The following TBC1D19 variants were observed in gnomAD, a reference collection of about 807,000 sequenced individuals.
TBC1D19 encodes TBC1 domain family, member 19.
In TBC1D19, 60 loss-of-function variants were observed where a neutral mutation model predicts 89.0. That is an observed-to-expected ratio of 0.67 (90% CI 0.55 to 0.84). TBC1D19 has a LOEUF of 0.84. TBC1D19 is among the 40% of genes least tolerant of loss of function. The pLI is 0.00. For missense variants in TBC1D19, 500 were observed against 610.8 expected (o/e 0.82, Z 1.91); for synonymous variants, 189 against 199.7 (o/e 0.95, Z 0.45).
the TBC1D19 span, among the ~76,000 whole-genome samples, chr4:26,767,605 A>C: frequency 6.6e-6 from 1 of 152,190 alleles, no homozygotes; most frequent in Non-Finnish European, 1.5e-5. Flanking sequence ...AGATGGTGGC[A>C]CTATAAGGCA....
At chr4:26,704,708 T>C (rs1715597472) in intron 13 of TBC1D19, among the ~76,000 whole-genome samples, 1 of 152,088 alleles carries the variant, frequency 6.6e-6, no homozygotes, top group Non-Finnish European at 1.5e-5. Flanking sequence ...AATAGAAATA[T>C]ATATAAATTC....
intron 5 of TBC1D19, 44 bp downstream of exon 5, chr4:26,637,329 A>G (rs1743196704): frequency 1.4e-6 from 2 of 1,394,348 alleles, no homozygotes; most frequent in Non-Finnish European, 2.0e-6. Flanking sequence ...ATTGTGAATC[A>G]AATACAGAAA....
intron 13 of TBC1D19, among the ~76,000 whole-genome samples, chr4:26,694,765 T>A (rs1276598617): frequency 7.9e-5 from 12 of 152,212 alleles, no homozygotes. Context: ...CCTCCGCTGC[T>A]GATACCCAGG....
At chr4:26,699,630 T>C (rs1308050946) in intron 13 of TBC1D19, among the ~76,000 whole-genome samples, 1 of 152,048 alleles carries the variant, frequency 6.6e-6, no homozygotes, top group African/African-American at 2.4e-5. Flanking sequence ...CCAACAATTG[T>C]AGACTGGATT....
chr4:26,787,736 T>G, the TBC1D19 span, among the ~76,000 whole-genome samples: 8 of 152,160 alleles, frequency 5.3e-5, no homozygotes, highest in Non-Finnish European at 1.0e-4. Context: ...CAGAAGGAAG[T>G]AGGAACGTTC....
intron 13 of TBC1D19, among the ~76,000 whole-genome samples, chr4:26,710,137 C>T (rs989847587): frequency 6.6e-6 from 1 of 151,966 alleles, no homozygotes; most frequent in Non-Finnish European, 1.5e-5. Flanking sequence ...CCCATTAACT[C>T]GTCATTTAGC....
At chr4:26,650,382 C>T (rs1744279895) in intron 7 of TBC1D19, among the ~76,000 whole-genome samples, 1 of 152,126 alleles carries the variant, frequency 6.6e-6, no homozygotes, top group South Asian at 2.1e-4. Flanking sequence ...CTGTTGTTTC[C>T]TGACTTTTTA....
chr4:26,604,148 CT>C (rs1173641270), intron 1 of TBC1D19, among the ~76,000 whole-genome samples: 2,550 of 120,684 alleles, frequency 0.021, 26 homozygotes, highest in African/African-American at 0.07. Flanking sequence ...TTTTCTTTTT[CT>C]TTTTTTTTTT....
At chr4:26,580,643 C>A (rs545298197), upstream of TBC1D19, among the ~76,000 whole-genome samples, 1 of 152,304 alleles carries the variant, frequency 6.6e-6, no homozygotes, top group South Asian at 2.1e-4. Context: ...TTCCTGTCAA[C>A]AAACAGTTGA....
At chr4:26,789,822 G>T in the TBC1D19 span, among the ~76,000 whole-genome samples, 1 of 152,204 alleles carries the variant, frequency 6.6e-6, no homozygotes, top group East Asian at 1.9e-4. Flanking sequence ...CAAAGAAAAT[G>T]TGGAGTATAC....
intron 11 of TBC1D19, among the ~76,000 whole-genome samples, chr4:26,683,029 T>G (rs753129731): frequency 6.6e-6 from 1 of 152,182 alleles, no homozygotes; most frequent in Non-Finnish European, 1.5e-5. Context: ...CACTGTAACC[T>G]CAAACTCCTG....
At chr4:26,823,629 A>C in the TBC1D19 span, among the ~76,000 whole-genome samples, 1 of 152,170 alleles carries the variant, frequency 6.6e-6, no homozygotes, top group Non-Finnish European at 1.5e-5. Context: ...AGAGATGATA[A>C]GAGCCATATC....
chr4:26,849,300 T>C, the TBC1D19 span, among the ~76,000 whole-genome samples: 2 of 152,244 alleles, frequency 1.3e-5, no homozygotes, highest in African/African-American at 4.8e-5. Context: ...ACAATATGGC[T>C]GTTCTTCAAA....
chr4:26,690,766 T>G (rs4339196), intron 13 of TBC1D19, among the ~76,000 whole-genome samples: 149,121 of 152,354 alleles, frequency 0.98, 73,050 homozygotes, highest in East Asian at 1. Context: ...TCACCCAAAA[T>G]CTCTGATGCA....
rs1305684503 is a variant in TBC1D19 at position 26,588,081 on chromosome 4, A to G, written c.99+3789A>G. On this transcript the variant is annotated intron_variant, in intron 1 of 20. Coordinates refer to ENST00000264866, the MANE Select transcript of TBC1D19 (RefSeq NM_018317.4). Reference sequence around the variant, plus strand: ...CGCTTTGTCGCCCAGGCTGGAGTGCAGTGGCATGATCTCGGCTCACTGCAA... The same window carrying G: ...CGCTTTGTCGCCCAGGCTGGAGTGCGGTGGCATGATCTCGGCTCACTGCAA... Among the ~76,000 whole-genome samples, 3 of 141,796 alleles carry G rather than the reference A, an allele frequency of 2.1e-5. No individual in the cohort carries two copies. In the Admixed American group the frequency reaches 2.2e-4, roughly 11 times the overall value. 93.0% of individuals were successfully genotyped at this position (141,796 alleles called of 152,430 possible).
intron 18 of TBC1D19, among the ~76,000 whole-genome samples, chr4:26,744,770 G>A (rs1007058805): frequency 1.3e-5 from 2 of 152,060 alleles, no homozygotes; most frequent in Non-Finnish European, 2.9e-5. Context: ...ATGTGTTGAA[G>A]TTTGTTTTTT....
At chr4:26,683,367 A>T (rs1713527256) in intron 11 of TBC1D19, among the ~76,000 whole-genome samples, 1 of 152,174 alleles carries the variant, frequency 6.6e-6, no homozygotes, top group Admixed American at 6.5e-5. Flanking sequence ...TAACTCTTGT[A>T]AAGTGGGTAA....
the TBC1D19 span, among the ~76,000 whole-genome samples, chr4:26,811,371 G>T: frequency 5.9e-5 from 9 of 152,350 alleles, no homozygotes; most frequent in African/African-American, 2.2e-4. Context: ...GCTGGGTGTT[G>T]TGGGTGCCAG....
At chr4:26,627,218 C>T (rs1424211977) in intron 4 of TBC1D19, among the ~76,000 whole-genome samples, 6 of 151,468 alleles carry the variant, frequency 4.0e-5, no homozygotes, top group African/African-American at 7.3e-5. Context: ...AGGACATGAA[C>T]TCATCATTTT....
Sources: allele counts gnomAD v4.1 joint callset (sites outside exome capture counted in the v4.1 genomes callset), GRCh38; gene constraint gnomAD v4.1.1; transcripts MANE v1.5; gene names NCBI Gene and HGNC (gene_info 2026-07-23, HGNC 2026-07-21).